The following CFAP299 variants were observed in gnomAD, a reference collection of about 807,000 sequenced individuals.
CFAP299 encodes cilia and flagella associated protein 299.
Under a neutral mutation model 27.0 loss-of-function variants are expected in CFAP299, and 21 were observed. That is an observed-to-expected ratio of 0.78 (90% confidence interval 0.55 to 1.12). The LOEUF (loss-of-function observed/expected upper bound fraction) is 1.12, where lower values mean the gene tolerates loss of function less well. Among genes scored for constraint, CFAP299 ranks in the 50% most tolerant of loss-of-function variants. The pLI is 0.00. For synonymous variants in CFAP299, 104 were observed against 98.1 expected, an observed-to-expected ratio of 1.06 and a Z score of -0.36; for missense variants, 310 against 276.6, an observed-to-expected ratio of 1.12 and a Z score of -0.86.
At chr4:80,740,379 A>G (rs1170960991) in intron 3 of CFAP299, among the ~76,000 whole-genome samples, 1 of 152,202 alleles carries the variant, frequency 6.6e-6, no homozygotes, top group East Asian at 1.9e-4. Flanking sequence ...TCGCAGAGAT[A>G]CTGCTTTGGT....
intron 3 of CFAP299, among the ~76,000 whole-genome samples, chr4:80,822,549 T>C (rs369898666): frequency 6.6e-6 from 1 of 152,140 alleles, no homozygotes; most frequent in Non-Finnish European, 1.5e-5. Flanking sequence ...TTATTCATCA[T>C]AGGAGAAATA....
chr4:80,947,646 G>T (rs1043291094), intron 5 of CFAP299, among the ~76,000 whole-genome samples: 7 of 152,080 alleles, frequency 4.6e-5, no homozygotes, highest in Admixed American at 2.6e-4. Flanking sequence ...TCTGCTACAG[G>T]TTGTTCATGA....
intron 2 of CFAP299, among the ~76,000 whole-genome samples, chr4:80,376,444 C>T (rs1724414504): frequency 6.6e-6 from 1 of 152,038 alleles, no homozygotes; most frequent in South Asian, 2.1e-4. Flanking sequence ...AATGTGATTA[C>T]TGATTCGTGT....
At chr4:80,468,412 T>C (rs969132395) in intron 2 of CFAP299, among the ~76,000 whole-genome samples, 1 of 151,706 alleles carries the variant, frequency 6.6e-6, no homozygotes, top group Admixed American at 6.6e-5. Flanking sequence ...TTAGTAGAGA[T>C]GGGGTTTTCC....
chr4:80,405,546 A>C (rs1443996662), intron 2 of CFAP299, among the ~76,000 whole-genome samples: 2 of 152,106 alleles, frequency 1.3e-5, no homozygotes, highest in African/African-American at 4.8e-5. Context: ...ATGTTCTTTC[A>C]ATTTGCAATT....
intron 3 of CFAP299, among the ~76,000 whole-genome samples, chr4:80,862,692 G>A (rs1332074263): frequency 6.6e-6 from 1 of 152,108 alleles, no homozygotes; most frequent in Non-Finnish European, 1.5e-5. Flanking sequence ...CCAACAGGAT[G>A]TGGAAAATAA....
chr4:80,395,226 T>C (rs1390344226), intron 2 of CFAP299, among the ~76,000 whole-genome samples: 1 of 152,094 alleles, frequency 6.6e-6, no homozygotes, highest in Non-Finnish European at 1.5e-5. Flanking sequence ...TTGTTGTTAG[T>C]GTATACAAAC....
the CFAP299 span, among the ~76,000 whole-genome samples, chr4:80,328,299 G>A: frequency 1.3e-5 from 2 of 152,176 alleles, no homozygotes; most frequent in Non-Finnish European, 2.9e-5. Context: ...CTTGTATGCC[G>A]TTGGGGTGAC....
intron 1 of CFAP299, among the ~76,000 whole-genome samples, chr4:80,346,580 G>A (rs1722738756): frequency 6.6e-6 from 1 of 151,900 alleles, no homozygotes; most frequent in South Asian, 2.1e-4. Context: ...AGATCAGATG[G>A]TTGCATATGT....
Position 80,738,343 on chromosome 4 carries a change from A to T in CFAP299, c.334-131650A>T, listed in dbSNP as rs568681277. On this transcript the variant is annotated intron_variant, in intron 3 of 5. Transcript: ENST00000358105. ...GAAAGTGGGGTGTTGAAGTCTTCAG[A>T]TACTATTTATTTGGGTCTGTGTCTC... is the stretch of plus-strand genomic sequence containing the variant. 3.9e-5 allele frequency among the ~76,000 whole-genome samples: 6 copies of T among 152,162 alleles called. No individual in the cohort carries two copies. In the South Asian group the frequency reaches 1.2e-3, roughly 32 times the overall value.
chr4:80,864,398 G>GTA (rs139851758), intron 3 of CFAP299, among the ~76,000 whole-genome samples: 17,854 of 144,274 alleles, frequency 0.12, 1,262 homozygotes, highest in Middle Eastern at 0.26. Flanking sequence ...GGTGTGTCTT[G>GTA]TATATATGTG....
intron 3 of CFAP299, among the ~76,000 whole-genome samples, chr4:80,652,644 T>C (rs1027126660): frequency 3.3e-5 from 5 of 152,286 alleles, no homozygotes; most frequent in Non-Finnish European, 7.4e-5. Context: ...ACATATTGAA[T>C]GCATCATATG....
chr4:80,669,249 C>T (rs1325316572), intron 3 of CFAP299, among the ~76,000 whole-genome samples: 1 of 143,458 alleles, frequency 7.0e-6, no homozygotes, highest in Non-Finnish European at 1.5e-5. Flanking sequence ...CAACCCCCAC[C>T]TCCCAGGTTC....
At chr4:80,663,371 T>G (rs1346049127) in intron 3 of CFAP299, among the ~76,000 whole-genome samples, 1 of 152,028 alleles carries the variant, frequency 6.6e-6, no homozygotes, top group Non-Finnish European at 1.5e-5. Flanking sequence ...CACTTATGAG[T>G]GAGAACATGT....
intron 3 of CFAP299, among the ~76,000 whole-genome samples, chr4:80,808,053 T>A (rs1327214323): frequency 6.6e-6 from 1 of 151,916 alleles, no homozygotes; most frequent in Non-Finnish European, 1.5e-5. Context: ...AAGGGGAAAT[T>A]AAGCATTTTA....
chr4:80,661,139 A>G (rs1740822156), intron 3 of CFAP299, among the ~76,000 whole-genome samples: 1 of 152,056 alleles, frequency 6.6e-6, no homozygotes, highest in Non-Finnish European at 1.5e-5. Context: ...CAGCCTGACC[A>G]ATATGGCAAA....
intron 4 of CFAP299, among the ~76,000 whole-genome samples, chr4:80,878,552 T>A (rs1177702818): frequency 3.9e-5 from 6 of 152,254 alleles, no homozygotes; most frequent in Non-Finnish European, 8.8e-5. Flanking sequence ...TTTCCTTTTT[T>A]AACAAAATTT....
At chr4:80,567,356 T>A (rs17004943) in intron 2 of CFAP299, among the ~76,000 whole-genome samples, 6,080 of 152,142 alleles carry the variant, frequency 0.04, 355 homozygotes, top group African/African-American at 0.13. Flanking sequence ...CAAGTTATGT[T>A]CTCCTTTTCT....
At chr4:80,460,442 A>C (rs79731651) in intron 2 of CFAP299, among the ~76,000 whole-genome samples, 1 of 152,078 alleles carries the variant, frequency 6.6e-6, no homozygotes, top group East Asian at 1.9e-4. Context: ...AAATTTTTTT[A>C]AAGTTATATG....
Sources: allele counts gnomAD v4.1 joint callset (sites outside exome capture counted in the v4.1 genomes callset), GRCh38; gene constraint gnomAD v4.1.1; transcripts MANE v1.5; gene names NCBI Gene and HGNC (gene_info 2026-07-23, HGNC 2026-07-21).